HPSE2: variants seen among roughly 807,000 people sequenced by gnomAD.
HPSE2 encodes inactive heparanase-2.
HPSE2 carries 38 observed loss-of-function variants against 60.5 expected under a neutral mutation model. That is an observed-to-expected ratio of 0.63 (90% CI 0.48 to 0.82). The LOEUF is 0.82. Among genes scored for constraint, HPSE2 ranks in the 40% least tolerant of loss-of-function variants. HPSE2 has a pLI of 0.00. For synonymous variants in HPSE2, 295 were observed against 293.2 expected (o/e 1.01, Z -0.06); for missense variants, 713 against 740.4 (o/e 0.96, Z 0.43).
At chr10:99,120,122 C>T (rs1844888549) in intron 3 of HPSE2, among the ~76,000 whole-genome samples, 1 of 152,116 alleles carries the variant, frequency 6.6e-6, no homozygotes, top group African/African-American at 2.4e-5. Flanking sequence ...AGAGCTTTTG[C>T]ACCACAGAAG....
intron 3 of HPSE2, among the ~76,000 whole-genome samples, chr10:99,068,074 A>G (rs1158685164): frequency 6.6e-6 from 1 of 152,056 alleles, no homozygotes; most frequent in Admixed American, 6.6e-5. Flanking sequence ...CCTCATCTCC[A>G]TCTGAGACCA....
At chr10:99,120,375 C>T (rs1397723178) in intron 3 of HPSE2, among the ~76,000 whole-genome samples, 1 of 152,120 alleles carries the variant, frequency 6.6e-6, no homozygotes, top group Non-Finnish European at 1.5e-5. Context: ...CAAATCAAAA[C>T]CACAATAAGA....
intron 11 of HPSE2, among the ~76,000 whole-genome samples, chr10:98,475,582 C>CTCAGAAATATACT (rs918974628): frequency 1.3e-4 from 20 of 152,182 alleles, no homozygotes; most frequent in African/African-American, 3.6e-4. Context: ...GCATCTTTCC[C>CTCAGAAATATACT]TCTGAGAATG....
chr10:98,812,853 A>C (rs1004636326), intron 3 of HPSE2, among the ~76,000 whole-genome samples: 1 of 152,122 alleles, frequency 6.6e-6, no homozygotes, highest in African/African-American at 2.4e-5. Context: ...TAAATTAATA[A>C]GCTTCTCCCC....
intron 3 of HPSE2, among the ~76,000 whole-genome samples, chr10:98,790,697 T>C (rs1950636714): frequency 6.6e-6 from 1 of 152,228 alleles, no homozygotes; most frequent in South Asian, 2.1e-4. Flanking sequence ...TTACTGAATA[T>C]TTCTACAATG....
chr10:98,719,514 A>C (rs1356948964), intron 5 of HPSE2, among the ~76,000 whole-genome samples: 1 of 151,920 alleles, frequency 6.6e-6, no homozygotes, highest in Non-Finnish European at 1.5e-5. Context: ...GGTATAAAAG[A>C]GTAGGGTATC....
At chr10:98,496,079 G>C (rs1483020326) in intron 9 of HPSE2, among the ~76,000 whole-genome samples, 1 of 151,950 alleles carries the variant, frequency 6.6e-6, no homozygotes, top group Non-Finnish European at 1.5e-5. Context: ...GTGTGGGTGA[G>C]TATGTGTGTG....
At chr10:99,088,051 G>A (rs1279430717) in intron 3 of HPSE2, among the ~76,000 whole-genome samples, 1 of 150,558 alleles carries the variant, frequency 6.6e-6, no homozygotes, top group Non-Finnish European at 1.5e-5. Flanking sequence ...GGAAGTCCCT[G>A]AAACACAGTC....
chr10:98,570,260 T>C (rs1039881953), intron 9 of HPSE2, among the ~76,000 whole-genome samples: 2 of 152,190 alleles, frequency 1.3e-5, no homozygotes, highest in African/African-American at 4.8e-5. Context: ...TGTGCTCAGC[T>C]TGCTGTCTGT....
At chr10:99,242,083 A>C in the HPSE2 span, among the ~76,000 whole-genome samples, 1 of 152,216 alleles carries the variant, frequency 6.6e-6, no homozygotes, top group South Asian at 2.1e-4. Flanking sequence ...GGAAAACAGG[A>C]ATAGGCAAAG....
chr10:98,798,921 C>T (rs374895328), intron 3 of HPSE2, among the ~76,000 whole-genome samples: 90 of 152,060 alleles, frequency 5.9e-4, no homozygotes, highest in Non-Finnish European at 1.0e-3. Context: ...GACTAAACTC[C>T]GCAATTTCTA....
chr10:98,960,971 T>C, intron 3 of HPSE2, among the ~76,000 whole-genome samples: 1 of 89,210 alleles, frequency 1.1e-5, no homozygotes. Flanking sequence ...AATTCCCACC[T>C]ATGAGTGAGA....
chr10:98,563,894 C>A (rs1461401437), intron 9 of HPSE2, among the ~76,000 whole-genome samples: 1 of 152,138 alleles, frequency 6.6e-6, no homozygotes, highest in African/African-American at 2.4e-5. Flanking sequence ...TGGGTAGGAA[C>A]CTTGCTTCTG....
intron 3 of HPSE2, among the ~76,000 whole-genome samples, chr10:98,986,777 T>C (rs1284491522): frequency 1.3e-5 from 2 of 150,780 alleles, no homozygotes; most frequent in East Asian, 1.9e-4. Flanking sequence ...GAGAGAAGAA[T>C]CAAATAGACG....
At chr10:99,060,455 T>C (rs1442265658) in intron 3 of HPSE2, among the ~76,000 whole-genome samples, 15 of 151,630 alleles carry the variant, frequency 9.9e-5, no homozygotes, top group Admixed American at 9.8e-4. Context: ...AGTCAGGAGG[T>C]TGGGACCAGC....
the HPSE2 span, among the ~76,000 whole-genome samples, chr10:99,287,404 G>C: frequency 6.6e-6 from 1 of 152,070 alleles, no homozygotes. Flanking sequence ...GAGTGTCCAA[G>C]CAAAGACTGC....
At chr10:99,284,522 T>C in the HPSE2 span, among the ~76,000 whole-genome samples, 2 of 152,136 alleles carry the variant, frequency 1.3e-5, no homozygotes, top group African/African-American at 4.8e-5. Context: ...GCTAAAACTA[T>C]AAAAGTTTCT....
chr10:98,824,273 T>C (rs1364384014), intron 3 of HPSE2, among the ~76,000 whole-genome samples: 1 of 152,156 alleles, frequency 6.6e-6, no homozygotes, highest in Admixed American at 6.5e-5. Context: ...GGGGTGGTCA[T>C]GGAAGGACCA....
chr10:98,521,386 C>T (rs1241922950), intron 9 of HPSE2, among the ~76,000 whole-genome samples: 2 of 152,172 alleles, frequency 1.3e-5, no homozygotes, highest in African/African-American at 4.8e-5. Flanking sequence ...TGAAAAAATG[C>T]TCATCATCAC....
Sources: allele counts gnomAD v4.1 joint callset (sites outside exome capture counted in the v4.1 genomes callset), GRCh38; gene constraint gnomAD v4.1.1; transcripts MANE v1.5; gene names NCBI Gene and HGNC (gene_info 2026-07-23, HGNC 2026-07-21).